SH3BP5: variants seen among roughly 807,000 people sequenced by gnomAD.
SH3BP5 encodes the protein SH3 domain-binding protein 5.
In SH3BP5, 22 loss-of-function variants were observed where a neutral mutation model predicts 43.3. The ratio of observed to expected loss-of-function variants is 0.51; its 90% CI spans 0.36 to 0.73. The LOEUF is 0.73. Among genes scored for constraint, SH3BP5 ranks in the 30% least tolerant of loss-of-function variants. SH3BP5 has a pLI of 0.00. For synonymous variants in SH3BP5, 255 were observed against 225.8 expected (o/e 1.13, Z -1.16); for missense variants, 529 against 586.9 (o/e 0.90, Z 1.02).
intron 3 of SH3BP5, among the ~76,000 whole-genome samples, chr3:15,284,026 C>T (rs191536148): frequency 6.6e-5 from 10 of 152,274 alleles, no homozygotes; most frequent in South Asian, 2.1e-4. Context: ...CCCAGGTCTC[C>T]GACTCTGACC....
At chr3:15,260,810 C>T (rs1436299687) in intron 5 of SH3BP5, among the ~76,000 whole-genome samples, 1 of 152,124 alleles carries the variant, frequency 6.6e-6, no homozygotes, top group East Asian at 1.9e-4. Context: ...CACAGATGTA[C>T]ATTTTAACCT....
chr3:15,306,153 G>C (rs995911708), intron 2 of SH3BP5, among the ~76,000 whole-genome samples: 1 of 151,882 alleles, frequency 6.6e-6, no homozygotes, highest in Non-Finnish European at 1.5e-5. Context: ...TCAGGAGATC[G>C]AGACCATCCT....
intron 2 of SH3BP5, among the ~76,000 whole-genome samples, chr3:15,323,218 G>C (rs530678735): frequency 6.6e-6 from 1 of 152,320 alleles, no homozygotes; most frequent in South Asian, 2.1e-4. Context: ...GCAGGCCACA[G>C]CGCAACGCCC....
chr3:15,285,987 G>T (rs745602325), intron 3 of SH3BP5, among the ~76,000 whole-genome samples: 26 of 152,194 alleles, frequency 1.7e-4, no homozygotes, highest in Non-Finnish European at 3.1e-4. Flanking sequence ...TGAAAATGAG[G>T]GCCTAATATA....
In SH3BP5 at chr3:15,259,764, G is replaced by A. The variant is rs756895692; in HGVS notation, c.666C>T (p.Leu222=). Reference sequence around the variant, plus strand: ...CGAAGCCCAAAGCTACACATACCTCGAGCTGCACATAGTACTTTGCCTTGA... The same window carrying A: ...CGAAGCCCAAAGCTACACATACCTCAAGCTGCACATAGTACTTTGCCTTGA... The part of the protein sequence containing the change: ...FELKAKYYVQ[L]EQLKKTVDDL... Residue 222 remains leucine, a synonymous_variant, in exon 6 of 9, where the codon CTC becomes CTT. Transcript: ENST00000383791. 60 of 1,613,898 alleles carry A rather than the reference G, an allele frequency of 3.7e-5. No homozygotes were observed. Among genetic ancestry groups the A allele is most frequent in the South Asian group, 7.7e-5 (7 of 91,066 alleles).
chr3:15,288,208 A>C (rs1336835679), intron 3 of SH3BP5, among the ~76,000 whole-genome samples: 2 of 152,192 alleles, frequency 1.3e-5, no homozygotes, highest in Non-Finnish European at 2.9e-5. Flanking sequence ...CACACTGGGG[A>C]GGGCAATCGG....
intron 5 of SH3BP5, among the ~76,000 whole-genome samples, chr3:15,261,481 CCTGG>C (rs1442590856): frequency 2.0e-5 from 3 of 152,188 alleles, no homozygotes; most frequent in Non-Finnish European, 4.4e-5. Context: ...TGTGACCACA[CCTGG>C]AGAACAGGCA....
At chr3:15,282,177 G>A (rs766699730) in intron 3 of SH3BP5, among the ~76,000 whole-genome samples, 13 of 152,174 alleles carry the variant, frequency 8.5e-5, no homozygotes, top group Non-Finnish European at 1.9e-4. Flanking sequence ...CCTTGAACAA[G>A]TCACTAAACT....
At chr3:15,323,170 G>A (rs988348958) in intron 2 of SH3BP5, among the ~76,000 whole-genome samples, 11 of 116,892 alleles carry the variant, frequency 9.4e-5, no homozygotes, top group African/African-American at 3.4e-4. Flanking sequence ...AAATAAAGCA[G>A]GGCTCACTCA....
chr3:15,289,720 C>G (rs953395945), intron 3 of SH3BP5, among the ~76,000 whole-genome samples: 2 of 152,100 alleles, frequency 1.3e-5, no homozygotes, highest in Non-Finnish European at 2.9e-5. Context: ...TTCCTATGGC[C>G]TTGGGTGTTG....
chr3:15,284,457 A>G (rs6782961), intron 3 of SH3BP5, among the ~76,000 whole-genome samples: 26,125 of 152,170 alleles, frequency 0.17, 3,250 homozygotes, highest in African/African-American at 0.33. Flanking sequence ...GGGTGCTACT[A>G]GTCTCTATTT....
intron 1 of SH3BP5, chr3:15,331,768 G>C (rs1698615208): frequency 6.5e-6 from 1 of 153,432 alleles, no homozygotes. Flanking sequence ...GAAGGAAAAC[G>C]GCTCAGGCCG....
intron 2 of SH3BP5, among the ~76,000 whole-genome samples, chr3:15,321,505 C>T (rs1698323988): frequency 6.6e-6 from 1 of 150,848 alleles, no homozygotes; most frequent in Admixed American, 6.6e-5. Flanking sequence ...ATTTATTTGG[C>T]TTATAAAGAC....
At chr3:15,286,262 C>CG (rs1038612473) in intron 3 of SH3BP5, among the ~76,000 whole-genome samples, 1 of 152,190 alleles carries the variant, frequency 6.6e-6, no homozygotes, top group Non-Finnish European at 1.5e-5. Context: ...GTAGCAGCTC[C>CG]GCCCCTGCCT....
Position 15,314,824 on chromosome 3 carries a change from T to C in SH3BP5, c.202-10593A>G, listed in dbSNP as rs542835344. Among the ~76,000 whole-genome samples, 155 of 152,218 alleles carry C rather than the reference T, an allele frequency of 1.0e-3. 2 individuals carry two copies. Among genetic ancestry groups the C allele is most frequent in the Non-Finnish European group, 2.8e-4 (19 of 68,012 alleles). Reference sequence around the variant, plus strand: ...GGGACCTAATTCCCCTTCCCCTGAGTCCTTTTCTTTTCCCATCTCAGTCCC... The same window carrying C: ...GGGACCTAATTCCCCTTCCCCTGAGCCCTTTTCTTTTCCCATCTCAGTCCC... On this transcript the variant is annotated intron_variant, in intron 2 of 8. Transcript: ENST00000383791.
intron 3 of SH3BP5, among the ~76,000 whole-genome samples, chr3:15,293,616 C>G (rs1697475373): frequency 6.6e-6 from 1 of 152,140 alleles, no homozygotes; most frequent in African/African-American, 2.4e-5. Flanking sequence ...CTCAGATGTG[C>G]CAGAGTGTCT....
chr3:15,313,402 A>C (rs1698108395), intron 2 of SH3BP5, among the ~76,000 whole-genome samples: 1 of 152,200 alleles, frequency 6.6e-6, no homozygotes, highest in African/African-American at 2.4e-5. Context: ...AATGATAGGA[A>C]AGTCTCCATT....
intron 4 of SH3BP5, 62 bp from the exon 5 acceptor site, chr3:15,262,351 CTTATA>C: frequency 5.2e-6 from 8 of 1,551,522 alleles, no homozygotes; most frequent in South Asian, 2.3e-5. Context: ...TGGAATATTA[CTTATA>C]TTATTTTTCA....
rs755915762 is a variant in SH3BP5, at chr3:15,269,893, T to G, written c.331-16A>C. On this transcript the variant is annotated splice_polypyrimidine_tract_variant and intron_variant, in intron 3 of 8. Transcript: ENST00000383791. ...CCAGCTGAGCCTGTGTGAGAAAGAA[T>G]CCTCATGAGGCCTCAGAAAATGGCA... 7.3e-6 allele frequency: 11 copies of G among 1,510,120 alleles called. No individual in the cohort carries two copies. In the East Asian group the frequency reaches 2.6e-4, roughly 36 times the overall value. 93.5% of individuals were successfully genotyped at this position (1,510,120 alleles called of 1,614,324 possible). A position where few individuals can be genotyped will look rare whatever the true frequency, so the allele number is the denominator to read the frequency against.
Sources: gnomAD v4.1 joint callset for allele counts (sites outside exome capture counted in the v4.1 genomes callset) on GRCh38, gnomAD v4.1.1 for gene constraint, MANE v1.5 for transcripts, NCBI Gene and HGNC (gene_info 2026-07-23, HGNC 2026-07-21) for gene names.